The following LVRN variants were observed in gnomAD, a reference collection of about 807,000 sequenced individuals.
The protein encoded by LVRN is laeverin, also known as aminopeptidase Q.
Under a neutral mutation model 111.4 loss-of-function variants are expected in LVRN, and 99 were observed. The observed-to-expected ratio is 0.89, with a 90% CI of 0.76 to 1.05. The LOEUF (loss-of-function observed/expected upper bound fraction) is 1.05. Ranked by LOEUF, LVRN falls within the 50% of genes least tolerant of loss-of-function variation. The pLI is 0.00. For missense variants in LVRN, 1,414 were observed against 1,206.8 expected, an observed-to-expected ratio of 1.17 and a Z score of -2.54; for synonymous variants, 488 against 449.5, an observed-to-expected ratio of 1.09 and a Z score of -1.08.
intron 1 of LVRN, among the ~76,000 whole-genome samples, chr5:115,974,208 T>A (rs1338387804): frequency 1.3e-5 from 2 of 152,220 alleles, no homozygotes; most frequent in Admixed American, 1.3e-4. Flanking sequence ...GTAGAATGCA[T>A]TCCTAGAAGA....
intron 1 of LVRN, chr5:115,974,697 G>C (rs1224757043): frequency 5.9e-6 from 1 of 169,622 alleles, no homozygotes; most frequent in Non-Finnish European, 1.3e-5. Flanking sequence ...TGGCACTCCA[G>C]TCCTTCCAGC....
In LVRN at chr5:115,962,626, C is replaced by T; in HGVS notation, c.9C>T (p.Pro3=). 6.3e-7 allele frequency: 1 copy of T among 1,595,108 alleles called. No homozygotes were observed. The highest frequency in any genetic ancestry group is 8.5e-7 in the Non-Finnish European group (1 of 1,171,914). MG[P]PSSSGFYVSR... is the part of the protein sequence containing the mutation. Reference sequence around the variant, plus strand: ...TGAACCCGGTCCCTGCCATGGGGCCCCCTTCCAGCTCAGGCTTCTATGTGA... The same window carrying T: ...TGAACCCGGTCCCTGCCATGGGGCCTCCTTCCAGCTCAGGCTTCTATGTGA... Residue 3 remains proline (P), a synonymous_variant, in exon 1 of 20, where the codon CCC becomes CCT. Coordinates refer to ENST00000357872, the MANE Select transcript of LVRN (RefSeq NM_173800.5).
intron 1 of LVRN, 65 bp downstream of exon 1, chr5:115,963,377 G>A (rs1261659775): frequency 1.3e-5 from 18 of 1,381,232 alleles, no homozygotes; most frequent in Non-Finnish European, 1.7e-5. Flanking sequence ...CAGGCTGCGG[G>A]TCCAGCTGAC....
chr5:115,983,155 G>A, intron 1 of LVRN, 132 bp from the exon 2 acceptor site: 2 of 928,384 alleles, frequency 2.2e-6, no homozygotes, highest in Non-Finnish European at 3.2e-6. Flanking sequence ...TGATGGGATG[G>A]GCAGTGAGGA....
Position 116,015,368 on chromosome 5 carries a change from T to TATATATATATA in LVRN, c.2567_2568insATATATATATA (p.Gln857TyrfsTer10). The stretch of plus-strand genomic sequence containing the variant: ...AATACAACAAACAAAGAAGAAAAGA[T>TATATATATATA]TCAACTTGCTTATGCAATGAGCTGC... On this transcript the variant is annotated frameshift_variant, in exon 17 of 20. Coordinates refer to ENST00000357872, the MANE Select transcript of LVRN (RefSeq NM_173800.5). LOFTEE classifies it high-confidence loss of function. The TATATATATATA allele has an allele frequency of 1.0e-5, 16 of 1,585,552 alleles. No individual in the cohort carries two copies. Among genetic ancestry groups the TATATATATATA allele is most frequent in the South Asian group, 6.9e-5 (6 of 86,704 alleles).
At chr5:115,971,801 A>T (rs2112554790) in intron 1 of LVRN, among the ~76,000 whole-genome samples, 1 of 152,164 alleles carries the variant, frequency 6.6e-6, no homozygotes, top group African/African-American at 2.4e-5. Flanking sequence ...GGTCCTTTGC[A>T]TTTCCATATT....
chr5:115,984,839 T>A, intron 3 of LVRN, 130 bp downstream of exon 3: 1 of 1,276,022 alleles, frequency 7.8e-7, no homozygotes. Context: ...CCAAGCCCTG[T>A]AAAAGTTCTT....
intron 1 of LVRN, among the ~76,000 whole-genome samples, chr5:115,978,893 T>A (rs1284964972): frequency 1.3e-5 from 2 of 152,154 alleles, no homozygotes; most frequent in East Asian, 3.9e-4. Flanking sequence ...CTCATTCTGG[T>A]CTTACAGATG....
intron 1 of LVRN, among the ~76,000 whole-genome samples, chr5:115,980,369 T>C (rs1204131083): frequency 6.6e-6 from 1 of 152,010 alleles, no homozygotes; most frequent in Non-Finnish European, 1.5e-5. Flanking sequence ...AGCCAAAGGC[T>C]GTGTGTCGTA....
chr5:115,963,396 C>T (rs1561550742), intron 1 of LVRN, 84 bp downstream of exon 1: 1 of 1,126,854 alleles, frequency 8.9e-7, no homozygotes, highest in Non-Finnish European at 1.2e-6. Flanking sequence ...ACTACCGTGT[C>T]CAGGTGCGCG....
intron 1 of LVRN, among the ~76,000 whole-genome samples, chr5:115,967,817 A>G (rs1455766657): frequency 6.6e-6 from 1 of 152,320 alleles, no homozygotes; most frequent in African/African-American, 2.4e-5. Flanking sequence ...TGTTAGATTC[A>G]CACTTAAATA....
chr5:115,978,764 C>T (rs1753502426), intron 1 of LVRN, among the ~76,000 whole-genome samples: 1 of 152,080 alleles, frequency 6.6e-6, no homozygotes, highest in African/African-American at 2.4e-5. Flanking sequence ...CGTTTCTACT[C>T]TTCTTTGCCT....
At chr5:115,971,988 T>C (rs56035774) in intron 1 of LVRN, among the ~76,000 whole-genome samples, 3,295 of 152,234 alleles carry the variant, frequency 0.022, 61 homozygotes, top group Non-Finnish European at 0.035. Flanking sequence ...TTAGGTCTTC[T>C]TTACTCAGTT....
At chr5:115,995,187 T>G (rs1341313195) in intron 6 of LVRN, among the ~76,000 whole-genome samples, 1 of 152,246 alleles carries the variant, frequency 6.6e-6, no homozygotes, top group Admixed American at 6.5e-5. Context: ...GAAGTAAGCT[T>G]TCCTTTTTTT....
At chr5:115,984,804 C>T (rs1747816754) in intron 3 of LVRN, 95 bp downstream of exon 3, 2 of 1,489,812 alleles carry the variant, frequency 1.3e-6, no homozygotes, top group African/African-American at 2.8e-5. Flanking sequence ...CTGCATATCC[C>T]CAAATCGCTT....
At chr5:115,970,221 C>T (rs948385727) in intron 1 of LVRN, among the ~76,000 whole-genome samples, 1 of 152,116 alleles carries the variant, frequency 6.6e-6, no homozygotes, top group Non-Finnish European at 1.5e-5. Flanking sequence ...TCTTTATAAT[C>T]TCTCCTTTCT....
At chr5:115,981,726 C>G (rs992489643) in intron 1 of LVRN, among the ~76,000 whole-genome samples, 1 of 152,140 alleles carries the variant, frequency 6.6e-6, no homozygotes, top group Admixed American at 6.6e-5. Context: ...CCCACCTCCC[C>G]CAACCCTGGG....
At chr5:115,999,998 C>T in intron 7 of LVRN, 96 bp downstream of exon 7, 2 of 1,327,544 alleles carry the variant, frequency 1.5e-6, no homozygotes, top group East Asian at 2.4e-5. Flanking sequence ...CAACTTAAAA[C>T]ATTTTATGAA....
intron 1 of LVRN, among the ~76,000 whole-genome samples, chr5:115,968,038 A>T (rs566613548): frequency 1.8e-4 from 27 of 152,232 alleles, no homozygotes; most frequent in Admixed American, 4.6e-4. Context: ...ACAAACGGAG[A>T]CAGTTTTATT....
Sources: allele counts gnomAD v4.1 joint callset (sites outside exome capture counted in the v4.1 genomes callset), GRCh38; gene constraint gnomAD v4.1.1; transcripts MANE v1.5; gene names NCBI Gene and HGNC (gene_info 2026-07-23, HGNC 2026-07-21).